Variants in DLGAP2 observed in about 807,000 individuals in gnomAD.
DLGAP2 encodes the protein disks large-associated protein 2.
A neutral mutation model predicts 100.3 loss-of-function variants in DLGAP2; 26 were observed. The ratio of observed to expected loss-of-function variants is 0.26; its 90% CI spans 0.19 to 0.36. The LOEUF is 0.36. Ranked by LOEUF, DLGAP2 falls within the 10% of genes least tolerant of loss-of-function variation. The probability of loss-of-function intolerance (pLI) is 1.00; values close to 1 mark genes in which losing one functional copy is unlikely to be tolerated. For synonymous variants in DLGAP2, 886 were observed against 630.1 expected (o/e 1.41, Z -6.08); for missense variants, 1,858 against 1,453.2 (o/e 1.28, Z -4.53).
At chr8:1,690,703 CAAAAAAAA>C (rs71190752) in intron 12 of DLGAP2, among the ~76,000 whole-genome samples, 22 of 62,080 alleles carry the variant, frequency 3.5e-4, no homozygotes, top group Middle Eastern at 0.012. Context: ...GACCCTATCT[CAAAAAAAA>C]AAAAAAAAAA....
intron 1 of DLGAP2, among the ~76,000 whole-genome samples, chr8:778,901 T>G (rs1821605833): frequency 6.6e-6 from 1 of 152,240 alleles, no homozygotes; most frequent in Non-Finnish European, 1.5e-5. Flanking sequence ...TTTGTTTACC[T>G]AAGCAAGCCT....
chr8:753,142 A>C (rs978113094), intron 1 of DLGAP2, among the ~76,000 whole-genome samples: 1 of 152,204 alleles, frequency 6.6e-6, no homozygotes, highest in Non-Finnish European at 1.5e-5. Context: ...AGGAGGGTTT[A>C]CTGGTGGGAC....
chr8:1,644,356 C>T (rs1189092386), intron 8 of DLGAP2, among the ~76,000 whole-genome samples: 1 of 152,218 alleles, frequency 6.6e-6, no homozygotes, highest in African/African-American at 2.4e-5. Flanking sequence ...CCCCAGTGAC[C>T]CGGCCCCACC....
intron 2 of DLGAP2, among the ~76,000 whole-genome samples, chr8:966,958 T>C (rs1799887040): frequency 6.6e-6 from 1 of 152,278 alleles, no homozygotes; most frequent in African/African-American, 2.4e-5. Context: ...CTACTGGCCA[T>C]TGATGTGTCT....
intron 1 of DLGAP2, among the ~76,000 whole-genome samples, chr8:844,488 A>G (rs1344313055): frequency 1.3e-5 from 2 of 152,140 alleles, no homozygotes; most frequent in Non-Finnish European, 2.9e-5. Context: ...CTGGTAGACT[A>G]CAGTCTCTCT....
Position 1,576,427 on chromosome 8 carries a change from G to T in DLGAP2, c.1442+10533G>T, listed in dbSNP as rs866123908. ...CTCCCATTCTGTAGGTTGCCTGTTC[G>T]CTCTGATAGTAGTTTCTTTTGCTGT... On this transcript the variant is annotated intron_variant, in intron 6 of 14. Coordinates refer to ENST00000637795, the MANE Select transcript of DLGAP2 (RefSeq NM_001346810.2). Among the ~76,000 whole-genome samples the T allele has an allele frequency of 5.3e-5, 8 of 152,016 alleles. No homozygotes were observed. The East Asian group carries it at 1.5e-3, about 29-fold the overall frequency.
Position 1,294,770 on chromosome 8 carries a change from G to A in DLGAP2, c.106+35887G>A, listed in dbSNP as rs569981717. On this transcript the variant is annotated intron_variant, in intron 3 of 14. Transcript: ENST00000637795. ...TGTAATCCTGGCACTTTGGGAGGCT[G>A]AGACAGTAGGATTGCTTGAGCCTCG... Among the ~76,000 whole-genome samples, 4 of 152,144 alleles carry A rather than the reference G, an allele frequency of 2.6e-5. No homozygotes were observed. In the South Asian group the frequency reaches 6.2e-4, roughly 24 times the overall value.
chr8:1,451,123 G>A (rs911354194), intron 3 of DLGAP2, among the ~76,000 whole-genome samples: 1 of 152,088 alleles, frequency 6.6e-6, no homozygotes, highest in African/African-American at 2.4e-5. Context: ...TGTGGGCCAT[G>A]GGTGGGACTG....
intron 2 of DLGAP2, among the ~76,000 whole-genome samples, chr8:1,165,664 A>G (rs956316652): frequency 6.6e-6 from 1 of 152,040 alleles, no homozygotes; most frequent in Non-Finnish European, 1.5e-5. Flanking sequence ...TTAATTTTTA[A>G]TTTTATTTGT....
intron 1 of DLGAP2, among the ~76,000 whole-genome samples, chr8:822,373 G>A (rs1280834777): frequency 2.0e-5 from 3 of 152,200 alleles, no homozygotes; most frequent in African/African-American, 7.2e-5. Flanking sequence ...TAAGGCCGGG[G>A]GTGAGTGTTC....
chr8:946,638 T>A (rs1799334076), intron 2 of DLGAP2, among the ~76,000 whole-genome samples: 2 of 152,170 alleles, frequency 1.3e-5, no homozygotes, highest in South Asian at 4.1e-4. Flanking sequence ...TTTTTATTTC[T>A]AGATTGAAAT....
At chr8:1,697,074 G>A in intron 13 of DLGAP2, 73 bp from the exon 14 acceptor site, 1 of 1,401,592 alleles carries the variant, frequency 7.1e-7, no homozygotes, top group South Asian at 1.7e-5. Flanking sequence ...GCATGCGTGG[G>A]GAGGAGTGGC....
intron 1 of DLGAP2, among the ~76,000 whole-genome samples, chr8:823,140 G>T (rs796459023): frequency 2.0e-5 from 3 of 151,952 alleles, no homozygotes; most frequent in African/African-American, 7.3e-5. Flanking sequence ...AGCTTCACAC[G>T]TTCTGGCTCA....
At chr8:958,766 T>A (rs938161148) in intron 2 of DLGAP2, among the ~76,000 whole-genome samples, 2 of 152,120 alleles carry the variant, frequency 1.3e-5, no homozygotes, top group African/African-American at 4.8e-5. Context: ...CTTCAACTAT[T>A]GAACCAAGGT....
intron 2 of DLGAP2, among the ~76,000 whole-genome samples, chr8:1,212,444 G>T (rs758798727): frequency 3.9e-5 from 6 of 152,326 alleles, no homozygotes; most frequent in Non-Finnish European, 4.4e-5. Context: ...ATTTGGTAGA[G>T]ATCTATTTGA....
At chr8:839,896 C>T (rs561327333) in intron 1 of DLGAP2, among the ~76,000 whole-genome samples, 4 of 152,334 alleles carry the variant, frequency 2.6e-5, no homozygotes, top group African/African-American at 4.8e-5. Context: ...TTGGCCTGTA[C>T]GTCTCCCCAC....
At chr8:1,480,563 G>C (rs967254498) in intron 3 of DLGAP2, among the ~76,000 whole-genome samples, 1 of 152,150 alleles carries the variant, frequency 6.6e-6, no homozygotes, top group African/African-American at 2.4e-5. Context: ...CAAGATAAAA[G>C]AACAGGCTGG....
chr8:815,640 G>T (rs1447401296), intron 1 of DLGAP2, among the ~76,000 whole-genome samples: 1 of 152,186 alleles, frequency 6.6e-6, no homozygotes, highest in Non-Finnish European at 1.5e-5. Context: ...TTATAGATTG[G>T]TAAATAATGC....
At chr8:1,043,008 TGG>T (rs1802404270) in intron 2 of DLGAP2, among the ~76,000 whole-genome samples, 1 of 118,390 alleles carries the variant, frequency 8.4e-6, no homozygotes, top group Non-Finnish European at 1.8e-5. Context: ...GTGGTGGGTG[TGG>T]GTGGTGGGTG....
Sources: allele counts gnomAD v4.1 joint callset (sites outside exome capture counted in the v4.1 genomes callset), GRCh38; gene constraint gnomAD v4.1.1; transcripts MANE v1.5; gene names NCBI Gene and HGNC (gene_info 2026-07-23, HGNC 2026-07-21).